RTF1: variants seen among roughly 807,000 people sequenced by gnomAD.
The protein encoded by RTF1 is RNA polymerase-associated protein RTF1 homolog.
In RTF1, 10 loss-of-function variants were observed where a neutral mutation model predicts 95.7. The observed-to-expected ratio is 0.10, with a 90% CI of 0.06 to 0.18. The LOEUF (loss-of-function observed/expected upper bound fraction) is 0.18, where lower values mean the gene tolerates loss of function less well. Ranked by LOEUF, RTF1 falls within the 10% of genes least tolerant of loss-of-function variation. RTF1 has a pLI of 1.00. For synonymous variants in RTF1, 305 were observed against 311.8 expected (o/e 0.98, Z 0.23); for missense variants, 458 against 875.6 (o/e 0.52, Z 6.02).
Position 41,481,059 on chromosome 15 carries a change from G to A in RTF1, c.*372G>A. The A allele has an allele frequency of 4.8e-6, 1 of 209,360 alleles. No individual in the cohort carries two copies. Among genetic ancestry groups the A allele is most frequent in the Non-Finnish European group, 9.9e-6 (1 of 100,604 alleles). The allele number at this position is 209,360 out of a possible 1,614,324, so 13.0% of individuals were successfully genotyped here. A position where few individuals can be genotyped will look rare whatever the true frequency, so the allele number is the denominator to read the frequency against. On this transcript the variant is annotated 3_prime_UTR_variant, in exon 18 of 18. Coordinates refer to ENST00000389629, the MANE Select transcript of RTF1 (RefSeq NM_015138.5). ...TGGAGCCCCTGGGGCAATAGCAGCA[G>A]CACCAGGCGGTCTCCTCTACAGACT...
intron 1 of RTF1, among the ~76,000 whole-genome samples, chr15:41,431,297 C>T (rs557911319): frequency 1.3e-5 from 2 of 149,708 alleles, no homozygotes; most frequent in South Asian, 4.3e-4. Flanking sequence ...TCACTGCAAC[C>T]TCTGCCTTCT....
intron 4 of RTF1, among the ~76,000 whole-genome samples, chr15:41,463,930 C>T (rs758031733): frequency 2.0e-5 from 3 of 152,068 alleles, no homozygotes; most frequent in Non-Finnish European, 4.4e-5. Flanking sequence ...TGGCTCACTG[C>T]AACCTCCGAC....
intron 4 of RTF1, among the ~76,000 whole-genome samples, chr15:41,462,876 C>T (rs564526234): frequency 7.6e-4 from 116 of 152,298 alleles, no homozygotes; most frequent in African/African-American, 2.7e-3. Flanking sequence ...CCACCTCAGC[C>T]TCCCAAGTAG....
chr15:41,427,319 T>C (rs1486651911), intron 1 of RTF1, among the ~76,000 whole-genome samples: 3 of 145,740 alleles, frequency 2.1e-5, no homozygotes, highest in Non-Finnish European at 4.5e-5. Flanking sequence ...GCCCGGCTAA[T>C]TTTTTGTATT....
intron 2 of RTF1, among the ~76,000 whole-genome samples, chr15:41,444,748 G>A (rs2050752421): frequency 6.6e-6 from 1 of 152,054 alleles, no homozygotes; most frequent in Non-Finnish European, 1.5e-5. Context: ...GGTAAGAAGT[G>A]ACCATTGTGC....
Position 41,476,509 on chromosome 15 carries a change from C to T in RTF1, c.1546C>T (p.Leu516=). The change falls in exon 12 of 18, where the codon CTA becomes TTA. Residue 516 remains leucine (L), a synonymous_variant. Coordinates refer to ENST00000389629, the MANE Select transcript of RTF1 (RefSeq NM_015138.5). ...CAACTACGCTATGAAGAAGACTCAGCTACTGAAGGAAAAGGTAAGGAGTTG... is the reference window on the plus strand; with the variant it reads ...CAACTACGCTATGAAGAAGACTCAGTTACTGAAGGAAAAGGTAAGGAGTTG... The part of the protein sequence containing the change: ...PPNYAMKKTQ[L]LKEKAMAEDL... 6.2e-7 allele frequency: 1 copy of T among 1,613,454 alleles called. No homozygotes were observed.
At chr15:41,436,746 A>G (rs181514692) in intron 1 of RTF1, among the ~76,000 whole-genome samples, 6 of 152,124 alleles carry the variant, frequency 3.9e-5, no homozygotes, top group Admixed American at 3.9e-4. Flanking sequence ...GTCAGCCGAG[A>G]TCGTGCCACT....
chr15:41,431,747 C>T (rs1252980107), intron 1 of RTF1, among the ~76,000 whole-genome samples: 1 of 152,050 alleles, frequency 6.6e-6, no homozygotes, highest in African/African-American at 2.4e-5. Context: ...GATCAGCCCT[C>T]GTCGGCTTCC....
intron 8 of RTF1, among the ~76,000 whole-genome samples, chr15:41,471,609 G>A (rs564290780): frequency 7.6e-4 from 116 of 152,296 alleles, no homozygotes; most frequent in Non-Finnish European, 1.3e-3. Flanking sequence ...ATAAAAGGGA[G>A]AAGGGAGGCA....
At chr15:41,453,968 T>C (rs2050800383) in intron 3 of RTF1, among the ~76,000 whole-genome samples, 1 of 152,244 alleles carries the variant, frequency 6.6e-6, no homozygotes, top group African/African-American at 2.4e-5. Flanking sequence ...AATTGCTGAC[T>C]TAGTTCAATA....
At chr15:41,430,896 G>A (rs1257803216) in intron 1 of RTF1, among the ~76,000 whole-genome samples, 10 of 151,932 alleles carry the variant, frequency 6.6e-5, no homozygotes, top group Non-Finnish European at 7.4e-5. Flanking sequence ...TACTATTGTG[G>A]GTTTTCTTTT....
At chr15:41,426,779 A>ATCTG (rs1178988605) in intron 1 of RTF1, among the ~76,000 whole-genome samples, 2 of 77,562 alleles carry the variant, frequency 2.6e-5, no homozygotes, top group Non-Finnish European at 5.0e-5. Context: ...CGCTACATAT[A>ATCTG]TATGTGTGTG....
chr15:41,419,953 G>A (rs1365017564), intron 1 of RTF1, among the ~76,000 whole-genome samples: 1 of 152,088 alleles, frequency 6.6e-6, no homozygotes, highest in Non-Finnish European at 1.5e-5. Flanking sequence ...CCGTGTAGCT[G>A]GGACTACAGG....
chr15:41,456,397 G>A (rs2050816435), intron 3 of RTF1, among the ~76,000 whole-genome samples: 1 of 151,920 alleles, frequency 6.6e-6, no homozygotes, highest in South Asian at 2.1e-4. Flanking sequence ...GCTGAGGCAG[G>A]AGAATGGCAT....
chr15:41,442,834 C>T (rs957416585), intron 2 of RTF1, among the ~76,000 whole-genome samples: 1 of 151,954 alleles, frequency 6.6e-6, no homozygotes, highest in African/African-American at 2.4e-5. Context: ...TGCAGTGGGC[C>T]GAGAACGCTC....
chr15:41,466,574 G>C (rs1374331065), intron 6 of RTF1, among the ~76,000 whole-genome samples: 1 of 151,980 alleles, frequency 6.6e-6, no homozygotes, highest in Non-Finnish European at 1.5e-5. Context: ...ATTACACCTA[G>C]AAATAACAAT....
intron 3 of RTF1, among the ~76,000 whole-genome samples, chr15:41,453,440 C>T (rs1488920587): frequency 6.6e-6 from 1 of 152,040 alleles, no homozygotes; most frequent in Non-Finnish European, 1.5e-5. Context: ...GAAAAGTGAA[C>T]TTGGGCCAGG....
intron 1 of RTF1, among the ~76,000 whole-genome samples, chr15:41,435,107 G>A (rs1372831501): frequency 6.6e-6 from 1 of 151,972 alleles, no homozygotes; most frequent in African/African-American, 2.4e-5. Context: ...ACTTTTAGCA[G>A]ATGTCTGCTG....
At chr15:41,428,118 G>A (rs2050646502) in intron 1 of RTF1, among the ~76,000 whole-genome samples, 1 of 151,188 alleles carries the variant, frequency 6.6e-6, no homozygotes, top group Admixed American at 6.6e-5. Context: ...TATTTTTAGA[G>A]CTGGGGTCTC....
Sources: allele counts gnomAD v4.1 joint callset (sites outside exome capture counted in the v4.1 genomes callset), GRCh38; gene constraint gnomAD v4.1.1; transcripts MANE v1.5; gene names NCBI Gene and HGNC (gene_info 2026-07-23, HGNC 2026-07-21).